Variants in MPPE1 observed in about 807,000 individuals in gnomAD.
MPPE1 encodes metallo phosphoesterase.
In MPPE1, 28 loss-of-function variants were observed where a neutral mutation model predicts 43.8. That is an observed-to-expected ratio of 0.64 (90% CI 0.47 to 0.88). MPPE1 has a LOEUF of 0.88. Ranked by LOEUF, MPPE1 falls within the 40% of genes least tolerant of loss-of-function variation. The probability of loss-of-function intolerance (pLI) is 0.00; values close to 1 mark genes in which losing one functional copy is unlikely to be tolerated. For missense variants in MPPE1, 428 were observed against 492.2 expected (o/e 0.87, Z 1.23); for synonymous variants, 159 against 188.5 (o/e 0.84, Z 1.28).
chr18:11,908,183 G>A lies in MPPE1; in HGVS notation c.-200+18C>T, dbSNP rs987143863. 2 of 152,318 alleles carry A rather than the reference G, an allele frequency of 1.3e-5. No homozygotes were observed. Among genetic ancestry groups the A allele is most frequent in the African/African-American group, 4.8e-5 (2 of 41,586 alleles). The allele number at this position is 152,318 out of a possible 1,614,324, so 9.4% of individuals were successfully genotyped here. A position where few individuals can be genotyped will look rare whatever the true frequency, so the allele number is the denominator to read the frequency against. On this transcript the variant is annotated intron_variant, in intron 1 of 10. Transcript: ENST00000588072. ...TTTAGAAGTTTAAATGTTGTCACAC[G>A]GGCGCAAGAATACATACAACAGCCA...
At chr18:11,888,860 T>C in intron 5 of MPPE1, 117 bp from the exon 6 acceptor site, 1 of 570,434 alleles carries the variant, frequency 1.8e-6, no homozygotes, top group Non-Finnish European at 3.0e-6. Context: ...CATTATTAGT[T>C]AAGGGCTCTA....
In MPPE1 at chr18:11,884,601, G is replaced by GGT; in HGVS notation, c.1033_1034dup (p.Leu346ProfsTer14). ...CACGTGGGAGGTAGCACTTGGAGAG[G>GGT]GTGTAGTCTGTGGGCGTGATGCTAC... On this transcript the variant is annotated frameshift_variant, in exon 11 of 11. Coordinates refer to ENST00000588072, the MANE Select transcript of MPPE1 (RefSeq NM_023075.6). LOFTEE classifies it low-confidence loss of function (END_TRUNC). The GGT allele has an allele frequency of 6.2e-7, 1 of 1,613,806 alleles. No individual in the cohort carries two copies. The highest frequency in any genetic ancestry group is 8.5e-7 in the Non-Finnish European group (1 of 1,180,006).
intron 1 of MPPE1, chr18:11,907,925 A>G (rs993565243): frequency 3.9e-5 from 6 of 152,066 alleles, no homozygotes; most frequent in Admixed American, 1.3e-4. Flanking sequence ...CACTATCTTA[A>G]ATATATTAAT....
rs1210484352 is a variant in MPPE1, at chr18:11,882,759, C to CTT, written c.*1684_*1685dup. ...TAGGAGAATGAGGATGACAGCTTCA[C>CTT]TTGCCTTTTGAAGAAGAAACATTAC... On this transcript the variant is annotated 3_prime_UTR_variant, in exon 11 of 11. Transcript: ENST00000588072. 1 of 151,028 alleles carries CTT rather than the reference C, an allele frequency of 6.6e-6. No homozygotes were observed. The highest frequency in any genetic ancestry group is 1.5e-5 in the Non-Finnish European group (1 of 67,832). The allele number at this position is 151,028 out of a possible 1,614,324, so 9.4% of individuals were successfully genotyped here.
At position 11,886,336 on chromosome 18, in the gene MPPE1, G is replaced by T; in HGVS notation, c.867+163C>A. The T allele has an allele frequency of 1.1e-6, 1 of 911,360 alleles. No homozygotes were observed. Among genetic ancestry groups the T allele is most frequent in the Non-Finnish European group, 1.7e-6 (1 of 587,550 alleles). The allele number at this position is 911,360 out of a possible 1,614,324, so 56.5% of individuals were successfully genotyped here. A position where few individuals can be genotyped will look rare whatever the true frequency, so the allele number is the denominator to read the frequency against. ...AAAAAGCGATTAAATGAAAATCTGA[G>T]ATACTGTGAAAGCCAGGCCTCCACC... On this transcript the variant is annotated intron_variant, in intron 9 of 10. Coordinates refer to ENST00000588072, the MANE Select transcript of MPPE1 (RefSeq NM_023075.6). This position sits in a 1 kb window ranked among gnomAD's most constrained non-coding sequence, Gnocchi z 4.1.
chr18:11,890,319 GT>G (rs771934754), intron 4 of MPPE1, among the ~76,000 whole-genome samples: 91 of 151,330 alleles, frequency 6.0e-4, no homozygotes, highest in Non-Finnish European at 1.1e-3. Context: ...TTATTTTGTT[GT>G]TTTTTTGAGA....
chr18:11,884,601 G>T lies in MPPE1; in HGVS notation c.1035C>A (p.Thr345=), dbSNP rs2036895970. 6.2e-7 allele frequency: 1 copy of T among 1,613,688 alleles called. No individual in the cohort carries two copies. Among genetic ancestry groups the T allele is most frequent in the Non-Finnish European group, 8.5e-7 (1 of 1,180,014 alleles). The change falls in exon 11 of 11, where the codon ACC becomes ACA. Residue 345 remains threonine, a synonymous_variant. Transcript: ENST00000588072. ...CACGTGGGAGGTAGCACTTGGAGAGGGTGTAGTCTGTGGGCGTGATGCTAC... is the reference window on the plus strand; with the variant it reads ...CACGTGGGAGGTAGCACTTGGAGAGTGTGTAGTCTGTGGGCGTGATGCTAC... ...IMGSITPTDY[T]LSKCYLPRED...
chr18:11,885,950 GTTTA>G (rs1039936301), intron 9 of MPPE1, 134 bp from the exon 10 acceptor site: 1 of 916,152 alleles, frequency 1.1e-6, no homozygotes, highest in Non-Finnish European at 1.5e-6. Context: ...TGAAGGACTG[GTTTA>G]TTTTTTTCCT....
intron 10 of MPPE1, chr18:11,885,318 C>T (rs544094659): frequency 3.5e-6 from 1 of 284,342 alleles, no homozygotes; most frequent in Admixed American, 5.0e-5. Context: ...GTCAAATGGG[C>T]ATGTTTAGAA....
chr18:11,891,994 A>AGGGTC (rs1015609648), intron 4 of MPPE1, among the ~76,000 whole-genome samples: 3 of 105,696 alleles, frequency 2.8e-5, no homozygotes, highest in Non-Finnish European at 5.1e-5. Flanking sequence ...TTGTAGAAAC[A>AGGGTC]GCACTAAGTT....
Position 11,886,373 on chromosome 18 carries a change from A to G in MPPE1, c.867+126T>C. The G allele has an allele frequency of 1.5e-6, 2 of 1,331,118 alleles. No individual in the cohort carries two copies. The highest frequency in any genetic ancestry group is 2.1e-6 in the Non-Finnish European group (2 of 939,972). 82.5% of individuals were successfully genotyped at this position (1,331,118 alleles called of 1,614,324 possible). ...GCCAGGCCTCCACCCCTGTCCCCCC[A>G]GGTGATAACTAAGTCATGAACGTTT... On this transcript the variant is annotated intron_variant, in intron 9 of 10. Coordinates refer to ENST00000588072, the MANE Select transcript of MPPE1 (RefSeq NM_023075.6). The surrounding 1 kb of genome is among the most constrained non-coding windows in gnomAD (Gnocchi z 4.1).
intron 2 of MPPE1, among the ~76,000 whole-genome samples, chr18:11,900,487 C>G (rs1043060913): frequency 6.6e-6 from 1 of 151,994 alleles, no homozygotes; most frequent in African/African-American, 2.4e-5. Flanking sequence ...GACTGGGTAA[C>G]AAGAGCAAAA....
In MPPE1 at chr18:11,889,489, G is replaced by C. The variant is rs2037720257; in HGVS notation, c.392C>G (p.Ala131Gly). 3 of 1,609,518 alleles carry C rather than the reference G, an allele frequency of 1.9e-6. No homozygotes were observed. The highest frequency in any genetic ancestry group is 2.5e-6 in the Non-Finnish European group (3 of 1,177,656). ...AAACCGCTCCACATCATCCGCCCAGGCCTGAGGGAAAAAGAATCACTGCTG... is the reference window on the plus strand; with the variant it reads ...AAACCGCTCCACATCATCCGCCCAGCCCTGAGGGAAAAAGAATCACTGCTG... ...FDEGKWSTPE[A>G]WADDVERFQK... Residue 131 changes from alanine to glycine, a missense_variant and splice_region_variant, in exon 5 of 11, where the codon GCC (alanine) becomes GGC (glycine). Transcript: ENST00000588072.
chr18:11,893,707 C>T, intron 3 of MPPE1, 131 bp from the exon 4 acceptor site: 1 of 703,868 alleles, frequency 1.4e-6, no homozygotes, highest in Non-Finnish European at 2.4e-6. Flanking sequence ...CTCTTGCATT[C>T]CCATCCCTGG....
At chr18:11,894,703 G>A (rs762356081) in intron 3 of MPPE1, among the ~76,000 whole-genome samples, 15 of 151,882 alleles carry the variant, frequency 9.9e-5, no homozygotes, top group Admixed American at 5.9e-4. Context: ...TGATTCTTCC[G>A]CCTCAGCCTC....
In MPPE1 at chr18:11,886,589, G is replaced by C. The variant is rs749991313; in HGVS notation, c.777C>G (p.Asn259Lys). 1 of 1,614,202 alleles carries C rather than the reference G, an allele frequency of 6.2e-7. No homozygotes were observed. Residue 259 changes from asparagine (N) to lysine (K), a missense_variant, in exon 9 of 11, where the codon AAC (asparagine) becomes AAG (lysine). Physicochemically the swap from Asn to Lys is moderately conservative, Grantham distance 94. This residue lies in a region of MPPE1 where 379 missense variants were observed against 402.5 expected (regional missense o/e 0.94). Transcript: ENST00000588072. This position sits in a 1 kb window ranked among gnomAD's most constrained non-coding sequence, Gnocchi z 4.1. ...CAGGAGCAGCGTCTTCCCCAGAACA[G>C]TTAGCATCACTTCTCCGATACAGAG... is the stretch of plus-strand genomic sequence containing the variant. ...HYPLYRRSDANCSGEDAAPAE... is the reference protein window; with the variant it reads ...HYPLYRRSDAKCSGEDAAPAE...
At chr18:11,884,827 G>C in intron 10 of MPPE1, 200 bp from the exon 11 acceptor site, 1 of 1,398,490 alleles carries the variant, frequency 7.2e-7, no homozygotes, top group East Asian at 2.6e-5. Flanking sequence ...TCCAGCAGGA[G>C]AGACAAGTAA....
At chr18:11,885,177 T>A in intron 10 of MPPE1, 1 of 623,002 alleles carries the variant, frequency 1.6e-6, no homozygotes, top group Non-Finnish European at 2.3e-6. Flanking sequence ...TTTTATGAAG[T>A]AAAAGAACCT....
chr18:11,890,419 T>C (rs375607635), intron 4 of MPPE1, among the ~76,000 whole-genome samples: 1 of 152,042 alleles, frequency 6.6e-6, no homozygotes, highest in Non-Finnish European at 1.5e-5. Flanking sequence ...AAGTGATTCT[T>C]ATGCCTCAGT....
Sources: gnomAD v4.1 joint callset for allele counts (sites outside exome capture counted in the v4.1 genomes callset) on GRCh38, gnomAD v4.1.1 for gene constraint, gnomAD v4.1.1 regional missense constraint, Gnocchi (gnomAD v3.1) non-coding constraint, MANE v1.5 for transcripts, NCBI Gene and HGNC (gene_info 2026-07-23, HGNC 2026-07-21) for gene names.